Variants in TREML2 observed in about 807,000 individuals in gnomAD.
The protein encoded by TREML2 is trem-like transcript 2 protein.
Under a neutral mutation model 25.9 loss-of-function variants are expected in TREML2, and 24 were observed. The observed-to-expected ratio is 0.93, with a 90% CI of 0.67 to 1.30. The LOEUF is 1.30. TREML2 is among the 50% of genes most tolerant of loss of function. The probability of loss-of-function intolerance (pLI) is 0.00; values close to 1 mark genes in which losing one functional copy is unlikely to be tolerated. For synonymous variants in TREML2, 139 were observed against 155.2 expected (o/e 0.90, Z 0.77); for missense variants, 359 against 395.6 (o/e 0.91, Z 0.78).
rs757236280 is a variant in TREML2, at chr6:41,192,459, G to C, written c.934C>G (p.Pro312Ala). Reference sequence around the variant, plus strand: ...AAGTAGACTTCCACATAGGGCTCTGGTCTTCCAGGTGGGTCACGTGTAGAA... The same window carrying C: ...AAGTAGACTTCCACATAGGGCTCTGCTCTTCCAGGTGGGTCACGTGTAGAA... The part of the protein sequence containing the change: ...DPSTRDPPGR[P>A]EPYVEVYLI Residue 312 changes from proline (P) to alanine (A), a missense_variant, in exon 5 of 5, where the codon CCA (proline) becomes GCA (alanine). By Grantham distance (27) the Pro-to-Ala change is conservative. Transcript: ENST00000483722. 6.2e-7 allele frequency: 1 copy of C among 1,614,048 alleles called. No homozygotes were observed.
intron 3 of TREML2, among the ~76,000 whole-genome samples, 164 bp from the exon 4 acceptor site, chr6:41,193,065 G>A (rs373026220): frequency 3.3e-4 from 50 of 152,218 alleles, no homozygotes; most frequent in African/African-American, 1.2e-3. Context: ...TGTGACATCC[G>A]GAGTTAAGAG....
At position 41,190,933 on chromosome 6, in the gene TREML2, C is replaced by G. The variant is rs1340576504; in HGVS notation, c.*1494G>C. ...CAATTCTTCAGCCTCAGTCTTCCCT[C>G]TATTGCCCTCTCCTGGACATAGGGA... On this transcript the variant is annotated 3_prime_UTR_variant, in exon 5 of 5. Transcript: ENST00000483722. 6.6e-6 allele frequency: 1 copy of G among 152,596 alleles called. No homozygotes were observed. Among genetic ancestry groups the G allele is most frequent in the Non-Finnish European group, 1.5e-5 (1 of 68,300 alleles). The allele number at this position is 152,596 out of a possible 1,614,324, so 9.5% of individuals were successfully genotyped here. A position where few individuals can be genotyped will look rare whatever the true frequency, so the allele number is the denominator to read the frequency against.
rs907070668 is a variant in TREML2, at chr6:41,192,287, G to T, written c.*140C>A. On this transcript the variant is annotated 3_prime_UTR_variant, in exon 5 of 5. Coordinates refer to ENST00000483722, the MANE Select transcript of TREML2 (RefSeq NM_024807.4). Reference sequence around the variant, plus strand: ...GGGCTGCTTAGGATGGCAGCCTCTGGGTTTGGGAAGTCCTGGGTGAGTCCA... The same window carrying T: ...GGGCTGCTTAGGATGGCAGCCTCTGTGTTTGGGAAGTCCTGGGTGAGTCCA... The T allele has an allele frequency of 4.4e-5, 31 of 702,606 alleles. No homozygotes were observed. Among genetic ancestry groups the T allele is most frequent in the Non-Finnish European group, 6.2e-5 (25 of 402,204 alleles). 43.5% of individuals were successfully genotyped at this position (702,606 alleles called of 1,614,324 possible).
Position 41,198,227 on chromosome 6 carries a change from C to A in TREML2, c.258G>T (p.Lys86Asn). Residue 86 changes from lysine (K) to asparagine (N), a missense_variant, in exon 2 of 5, where the codon AAG (lysine) becomes AAT (asparagine). By Grantham distance (94) the Lys-to-Asn change is moderately conservative. Coordinates refer to ENST00000483722, the MANE Select transcript of TREML2 (RefSeq NM_024807.4). ...GGGCCACCATGGTGATGTTGACCACCTTGGCCTGGGCATCGTCCTGCAGCA... is the reference window on the plus strand; with the variant it reads ...GGGCCACCATGGTGATGTTGACCACATTGGCCTGGGCATCGTCCTGCAGCA... ...RYLLQDDAQA[K>N]VVNITMVALK... 6.2e-7 allele frequency: 1 copy of A among 1,614,254 alleles called. No individual in the cohort carries two copies. The highest frequency in any genetic ancestry group is 1.3e-5 in the African/African-American group (1 of 75,068).
chr6:41,192,595 C>A, intron 4 of TREML2, 89 bp from the exon 5 acceptor site: 1 of 1,383,478 alleles, frequency 7.2e-7, no homozygotes. Context: ...CTTTCTGGCT[C>A]TGCCTCTGGT....
chr6:41,195,772 A>C (rs1412748564), intron 2 of TREML2, among the ~76,000 whole-genome samples: 1 of 152,234 alleles, frequency 6.6e-6, no homozygotes, highest in African/African-American at 2.4e-5. Context: ...AGGATCTCAA[A>C]GGGCTGGCAG....
At chr6:41,192,664 C>A in intron 4 of TREML2, 137 bp downstream of exon 4, 6 of 1,129,116 alleles carry the variant, frequency 5.3e-6, no homozygotes, top group Non-Finnish European at 7.7e-6. Flanking sequence ...CCGCCCTCCT[C>A]CCCAGGTGGA....
rs1156533922 is a variant in TREML2, at chr6:41,192,861, T to C, written c.826A>G (p.Thr276Ala). Residue 276 changes from threonine (T) to alanine (A), a missense_variant, in exon 4 of 5, where the codon ACC becomes GCC. Physicochemically the swap from Thr to Ala is moderately conservative, Grantham distance 58. Transcript: ENST00000483722. Reference sequence around the variant, plus strand: ...ATGATCAGCATCAGCACCAGGAGGGTCAGCACCACCCCAAGCACAGTGGAG... The same window carrying C: ...ATGATCAGCATCAGCACCAGGAGGGCCAGCACCACCCCAAGCACAGTGGAG... ...VYSTVLGVVL[T>A]LLVLMLIMVY... The C allele has an allele frequency of 6.2e-7, 1 of 1,605,524 alleles. No homozygotes were observed. Among genetic ancestry groups the C allele is most frequent in the Admixed American group, 1.7e-5 (1 of 59,072 alleles).
intron 4 of TREML2, 47 bp from the exon 5 acceptor site, chr6:41,192,553 G>T (rs1310832055): frequency 1.3e-6 from 2 of 1,556,192 alleles, no homozygotes; most frequent in Middle Eastern, 1.7e-4. Context: ...CCTGCCCACG[G>T]TGCCCCGATG....
chr6:41,192,686 C>T (rs1444855010), intron 4 of TREML2, 115 bp downstream of exon 4: 33 of 1,175,918 alleles, frequency 2.8e-5, no homozygotes, highest in East Asian at 2.0e-4. Flanking sequence ...GCGTCATAGT[C>T]CTTTTGACTG....
rs1447669494 is a variant in TREML2, at chr6:41,190,358, A to C, written c.*2069T>G. 6.6e-6 allele frequency: 1 copy of C among 152,198 alleles called. No homozygotes were observed. The highest frequency in any genetic ancestry group is 1.9e-4 in the East Asian group (1 of 5,180). 9.4% of individuals were successfully genotyped at this position (152,198 alleles called of 1,614,324 possible). ...CTGTCATCGGGGGCCCTCAACATCC[A>C]TATAGTGATGACACTTGGGAAGAGA... On this transcript the variant is annotated 3_prime_UTR_variant, in exon 5 of 5. Coordinates refer to ENST00000483722, the MANE Select transcript of TREML2 (RefSeq NM_024807.4).
Position 41,190,395 on chromosome 6 carries a change from C to T in TREML2, c.*2032G>A, listed in dbSNP as rs1766030930. ...CACTTGGGAAGAGATATGACAAAAGCAAGAAACAGAATCCTAAGGTCTTAA... is the reference window on the plus strand; with the variant it reads ...CACTTGGGAAGAGATATGACAAAAGTAAGAAACAGAATCCTAAGGTCTTAA... On this transcript the variant is annotated 3_prime_UTR_variant, in exon 5 of 5. Coordinates refer to ENST00000483722, the MANE Select transcript of TREML2 (RefSeq NM_024807.4). 1 of 152,076 alleles carries T rather than the reference C, an allele frequency of 6.6e-6. No individual in the cohort carries two copies. The highest frequency in any genetic ancestry group is 1.5e-5 in the Non-Finnish European group (1 of 68,034). The allele number at this position is 152,076 out of a possible 1,614,324, so 9.4% of individuals were successfully genotyped here. A position where few individuals can be genotyped will look rare whatever the true frequency, so the allele number is the denominator to read the frequency against.
chr6:41,196,453 A>T (rs753864513), intron 2 of TREML2, among the ~76,000 whole-genome samples: 1 of 152,192 alleles, frequency 6.6e-6, no homozygotes, highest in Non-Finnish European at 1.5e-5. Context: ...TTTTCTATCT[A>T]ATAAATGTGG....
At chr6:41,194,303 C>G in intron 3 of TREML2, 122 bp downstream of exon 3, 1 of 968,206 alleles carries the variant, frequency 1.0e-6, no homozygotes. Context: ...ACCTCACATT[C>G]AGAAGCAGGC....
At chr6:41,198,561 A>C (rs781556588) in intron 1 of TREML2, 132 bp from the exon 2 acceptor site, 12 of 1,013,638 alleles carry the variant, frequency 1.2e-5, no homozygotes, top group Non-Finnish European at 1.6e-5. Flanking sequence ...TTGAGGGGGA[A>C]ATACAGCCCC....
chr6:41,199,301 T>C (rs975917817), intron 1 of TREML2, among the ~76,000 whole-genome samples: 4 of 152,246 alleles, frequency 2.6e-5, no homozygotes, highest in Admixed American at 6.5e-5. Flanking sequence ...TTTGAAAATA[T>C]GATTAACAGT....
chr6:41,198,040 T>C lies in TREML2; in HGVS notation c.376+69A>G, dbSNP rs548630261. Reference sequence around the variant, plus strand: ...GATGGATTATTATCCTTATTATCTCTGATGTTAGTGGAGTGTGGGGCAGGA... The same window carrying C: ...GATGGATTATTATCCTTATTATCTCCGATGTTAGTGGAGTGTGGGGCAGGA... On this transcript the variant is annotated intron_variant, in intron 2 of 4. Coordinates refer to ENST00000483722, the MANE Select transcript of TREML2 (RefSeq NM_024807.4). 2.0e-3 allele frequency: 2,780 copies of C among 1,400,622 alleles called. 1 individual carries two copies. Among genetic ancestry groups the C allele is most frequent in the Non-Finnish European group, 2.5e-3 (2,600 of 1,038,094 alleles). The allele number at this position is 1,400,622 out of a possible 1,614,324, so 86.8% of individuals were successfully genotyped here. A position where few individuals can be genotyped will look rare whatever the true frequency, so the allele number is the denominator to read the frequency against.
At chr6:41,200,223 C>G (rs1233166149) in intron 1 of TREML2, among the ~76,000 whole-genome samples, 1 of 152,226 alleles carries the variant, frequency 6.6e-6, no homozygotes, top group Non-Finnish European at 1.5e-5. Flanking sequence ...TGGATGAGCC[C>G]AGGATTTCTT....
chr6:41,199,191 G>A (rs2113909706), intron 1 of TREML2, among the ~76,000 whole-genome samples: 1 of 152,298 alleles, frequency 6.6e-6, no homozygotes, highest in African/African-American at 2.4e-5. Flanking sequence ...GAAAAACCCA[G>A]GTCATGCCCT....
Sources: allele counts gnomAD v4.1 joint callset (sites outside exome capture counted in the v4.1 genomes callset), GRCh38; gene constraint gnomAD v4.1.1; transcripts MANE v1.5; gene names NCBI Gene and HGNC (gene_info 2026-07-23, HGNC 2026-07-21).